P3H2: variants seen among roughly 807,000 people sequenced by gnomAD.
P3H2 encodes leprecan-like 1.
A neutral mutation model predicts 87.0 loss-of-function variants in P3H2; 80 were observed. That is an observed-to-expected ratio of 0.92 (90% confidence interval 0.77 to 1.11). P3H2 has a LOEUF of 1.11. Among genes scored for constraint, P3H2 ranks in the 50% least tolerant of loss-of-function variants. P3H2 has a pLI of 0.00. For synonymous variants in P3H2, 367 were observed against 359.3 expected, an observed-to-expected ratio of 1.02 and a Z score of -0.24; for missense variants, 1,001 against 923.9, an observed-to-expected ratio of 1.08 and a Z score of -1.08.
chr3:189,986,713 G>A (rs1406015881), intron 6 of P3H2, 75 bp downstream of exon 6: 14 of 1,088,024 alleles, frequency 1.3e-5, no homozygotes, highest in Non-Finnish European at 2.0e-5. Flanking sequence ...TGGCAAAAAT[G>A]GAGGCAGGTA....
At chr3:190,046,793 A>T (rs190160538) in intron 1 of P3H2, among the ~76,000 whole-genome samples, 1 of 152,172 alleles carries the variant, frequency 6.6e-6, no homozygotes, top group Non-Finnish European at 1.5e-5. Flanking sequence ...AATTTAATTT[A>T]ATTTATTTTA....
chr3:189,969,299 C>T (rs975373682), intron 13 of P3H2: 2 of 913,112 alleles, frequency 2.2e-6, no homozygotes. Context: ...ACATCCACCC[C>T]CCAGGTGCAG....
intron 1 of P3H2, among the ~76,000 whole-genome samples, chr3:190,015,097 C>T (rs760682652): frequency 6.6e-6 from 1 of 152,106 alleles, no homozygotes; most frequent in Non-Finnish European, 1.5e-5. Context: ...TCACTGCAAC[C>T]GGCAACTCCT....
intron 1 of P3H2, among the ~76,000 whole-genome samples, chr3:190,034,229 TCCTCA>T (rs772951254): frequency 0.57 from 86,686 of 151,528 alleles, 26,923 homozygotes; most frequent in South Asian, 0.71. Context: ...GAATAATTGT[TCCTCA>T]TAAACTCTGT....
intron 1 of P3H2, among the ~76,000 whole-genome samples, chr3:190,058,783 T>C (rs968623403): frequency 3.3e-5 from 5 of 152,130 alleles, no homozygotes; most frequent in African/African-American, 1.2e-4. Context: ...CTGTCCCTGA[T>C]AATAAAAGGA....
At chr3:190,043,734 T>C (rs1019196494) in intron 1 of P3H2, among the ~76,000 whole-genome samples, 7 of 152,324 alleles carry the variant, frequency 4.6e-5, no homozygotes, top group Admixed American at 3.9e-4. Flanking sequence ...CAAGTGTTTA[T>C]ATATCATAAT....
rs1455492498 is a variant in P3H2 at position 189,990,023 on chromosome 3, T to A, written c.824-985A>T. Among the ~76,000 whole-genome samples the A allele has an allele frequency of 2.0e-5, 3 of 152,336 alleles. No homozygotes were observed. In the East Asian group the frequency reaches 5.8e-4, roughly 29 times the overall value. Reference sequence around the variant, plus strand: ...TCTTTTGAGAATGATGATAAAATCATTTGATCTCATAGCTGTGCAATTTAA... The same window carrying A: ...TCTTTTGAGAATGATGATAAAATCAATTGATCTCATAGCTGTGCAATTTAA... On this transcript the variant is annotated intron_variant, in intron 3 of 14. Coordinates refer to ENST00000319332, the MANE Select transcript of P3H2 (RefSeq NM_018192.4).
At chr3:190,066,158 T>TATATATATACACACACACACAC (rs1256956930) in intron 1 of P3H2, among the ~76,000 whole-genome samples, 9 of 134,618 alleles carry the variant, frequency 6.7e-5, no homozygotes, top group African/African-American at 2.8e-4. Context: ...TATATATATA[T>TATATATATACACACACACACAC]ACACACACAC....
chr3:190,019,785 AATATATATATATATAT>A lies in P3H2; in HGVS notation c.481-24359_481-24344del, dbSNP rs1210566859. Among the ~76,000 whole-genome samples, 28 of 37,390 alleles carry A rather than the reference AATATATATATATATAT, an allele frequency of 7.5e-4. 3 individuals are homozygous for A. Among genetic ancestry groups the A allele is most frequent in the Non-Finnish European group, 2.1e-3 (26 of 12,168 alleles). 24.5% of individuals were successfully genotyped at this position (37,390 alleles called of 152,430 possible). A position where few individuals can be genotyped will look rare whatever the true frequency, so the allele number is the denominator to read the frequency against. On this transcript the variant is annotated intron_variant, in intron 1 of 14. Coordinates refer to ENST00000319332, the MANE Select transcript of P3H2 (RefSeq NM_018192.4). ...ATGTGACATTACCTAGAAATTAAAA[AATATATATATATATAT>A]ATATATATATATATACTCACAAACC...
At chr3:190,070,994 A>C (rs1249721587) in intron 1 of P3H2, among the ~76,000 whole-genome samples, 2 of 152,248 alleles carry the variant, frequency 1.3e-5, no homozygotes, top group African/African-American at 2.4e-5. Flanking sequence ...GAACAATTTT[A>C]ATGAGTAAAA....
chr3:190,004,058 T>C (rs1362401170), intron 1 of P3H2, among the ~76,000 whole-genome samples: 1 of 152,172 alleles, frequency 6.6e-6, no homozygotes, highest in Non-Finnish European at 1.5e-5. Context: ...AATAAATAAA[T>C]AGAAATCCAA....
At position 190,008,785 on chromosome 3, in the gene P3H2, G is replaced by A. The variant is rs141278602; in HGVS notation, c.481-13343C>T. On this transcript the variant is annotated intron_variant, in intron 1 of 14. Transcript: ENST00000319332. Reference sequence around the variant, plus strand: ...CCATTCCACCCGAGCAACATTTAATGAGGGGCCTGTACTGGCCATTGGGTA... The same window carrying A: ...CCATTCCACCCGAGCAACATTTAATAAGGGGCCTGTACTGGCCATTGGGTA... Among the ~76,000 whole-genome samples the A allele has an allele frequency of 1.9e-3, 287 of 152,224 alleles. 4 individuals carry two copies. The highest frequency in any genetic ancestry group is 6.5e-3 in the African/African-American group (271 of 41,526).
chr3:190,085,741 T>C (rs1334297398), intron 1 of P3H2, among the ~76,000 whole-genome samples: 5 of 148,508 alleles, frequency 3.4e-5, no homozygotes, highest in Non-Finnish European at 7.4e-5. Flanking sequence ...ATATTTAATA[T>C]ATTTATTAAT....
intron 3 of P3H2, among the ~76,000 whole-genome samples, chr3:189,992,771 G>A (rs1723916477): frequency 6.6e-6 from 1 of 152,132 alleles, no homozygotes; most frequent in African/African-American, 2.4e-5. Flanking sequence ...AATATGTTAA[G>A]TGCTTTGTAT....
chr3:190,062,073 C>A (rs1726347811), intron 1 of P3H2, among the ~76,000 whole-genome samples: 1 of 152,128 alleles, frequency 6.6e-6, no homozygotes, highest in South Asian at 2.1e-4. Context: ...TACCCTTCAA[C>A]AGGCAAAATC....
intron 1 of P3H2, among the ~76,000 whole-genome samples, chr3:190,026,899 C>T (rs182138946): frequency 4.4e-4 from 67 of 152,266 alleles, no homozygotes; most frequent in African/African-American, 1.5e-3. Context: ...TTTATCAAAA[C>T]TCAATGAATA....
intron 8 of P3H2, among the ~76,000 whole-genome samples, chr3:189,976,181 A>C (rs184006452): frequency 7.8e-4 from 119 of 152,306 alleles, no homozygotes; most frequent in African/African-American, 2.7e-3. Context: ...TGTAATTACT[A>C]TTCTACCACA....
At chr3:190,038,637 T>C (rs1725501331) in intron 1 of P3H2, among the ~76,000 whole-genome samples, 1 of 152,136 alleles carries the variant, frequency 6.6e-6, no homozygotes, top group African/African-American at 2.4e-5. Flanking sequence ...TAAAAGAAAG[T>C]TGGTCCCCTA....
intron 8 of P3H2, among the ~76,000 whole-genome samples, chr3:189,981,410 G>C (rs1324565973): frequency 1.3e-5 from 2 of 152,128 alleles, no homozygotes; most frequent in Non-Finnish European, 2.9e-5. Flanking sequence ...AATTACTGGT[G>C]CATGTGGGTA....
Sources: gnomAD v4.1 joint callset for allele counts (sites outside exome capture counted in the v4.1 genomes callset) on GRCh38, gnomAD v4.1.1 for gene constraint, MANE v1.5 for transcripts, NCBI Gene and HGNC (gene_info 2026-07-23, HGNC 2026-07-21) for gene names.